Variants in DNAH5 observed in about 807,000 individuals in gnomAD.
DNAH5 encodes axonemal beta dynein heavy chain 5.
In DNAH5, 372 loss-of-function variants were observed where a neutral mutation model predicts 518.2. The observed-to-expected ratio is 0.72, with a 90% CI of 0.66 to 0.78. The LOEUF (loss-of-function observed/expected upper bound fraction) is 0.78. Among genes scored for constraint, DNAH5 ranks in the 30% least tolerant of loss-of-function variants. DNAH5 has a pLI of 0.00. For missense variants in DNAH5, 5,523 were observed against 5,687.0 expected, an observed-to-expected ratio of 0.97 and a Z score of 0.93; for synonymous variants, 2,039 against 2,025.9, an observed-to-expected ratio of 1.01 and a Z score of -0.17.
chr5:13,984,991 C>G (rs1347073575), intron 1 of DNAH5, among the ~76,000 whole-genome samples: 1 of 152,024 alleles, frequency 6.6e-6, no homozygotes, highest in Admixed American at 6.6e-5. Flanking sequence ...ATGTTTATTG[C>G]GGCACTACTC....
At chr5:13,875,465 C>CA (rs70964513) in intron 22 of DNAH5, among the ~76,000 whole-genome samples, 63,418 of 105,846 alleles carry the variant, frequency 0.6, 18,949 homozygotes, top group East Asian at 0.73. Context: ...GAAACTCCTT[C>CA]AAAAAAAAAA....
chr5:13,927,864 C>A (rs1778042009), intron 3 of DNAH5, among the ~76,000 whole-genome samples: 1 of 152,144 alleles, frequency 6.6e-6, no homozygotes, highest in Non-Finnish European at 1.5e-5. Flanking sequence ...GTTAGAACAA[C>A]CAGGCTAAAT....
At chr5:13,927,782 T>C (rs1778033010) in intron 3 of DNAH5, among the ~76,000 whole-genome samples, 1 of 151,950 alleles carries the variant, frequency 6.6e-6, no homozygotes, top group South Asian at 2.1e-4. Context: ...GAAAAGGAAG[T>C]CAAACGTAAT....
rs774995031 is a variant in DNAH5 at position 13,769,551 on chromosome 5, G to A, written c.9670C>T (p.Leu3224=). 1.7e-5 allele frequency: 27 copies of A among 1,613,894 alleles called. No homozygotes were observed. The East Asian group carries it at 6.0e-4, about 36-fold the overall frequency. The change falls in exon 57 of 79, where the codon CTG becomes TTG. Residue 3224 remains leucine, a synonymous_variant. Transcript: ENST00000265104. ...SESVAALSKE[L]EAKEKELQVA... is the part of the protein sequence containing the mutation. ...TGTAGCTCCTTTTCTTTCGCTTCCA[G>A]TTCTTTACTCAAGGCTGCAACAGAC...
intron 1 of DNAH5, among the ~76,000 whole-genome samples, chr5:13,998,720 T>G (rs1242584824): frequency 1.3e-5 from 2 of 152,234 alleles, no homozygotes; most frequent in Non-Finnish European, 2.9e-5. Context: ...ATATTCTTTC[T>G]GAGAGGATGA....
rs751403885 is a variant in DNAH5 at position 13,817,597 on chromosome 5, A to G, written c.6939T>C (p.Thr2313=). 2 of 1,614,204 alleles carry G rather than the reference A, an allele frequency of 1.2e-6. No individual in the cohort carries two copies. The highest frequency in any genetic ancestry group is 1.3e-5 in the African/African-American group (1 of 75,054). The change falls in exon 42 of 79, where the codon ACT becomes ACC. Residue 2313 remains threonine, a synonymous_variant. Coordinates refer to ENST00000265104, the MANE Select transcript of DNAH5 (RefSeq NM_001369.3). ...TCCAAAGCGTAGAAAATATCCCATC[A>G]GTCCAGTCATTTGTGGCAACGTCCA... ...GRLDVATNDW[T]DGIFSTLWRK...
intron 5 of DNAH5, 90 bp downstream of exon 5, chr5:13,922,017 T>C: frequency 7.3e-7 from 1 of 1,374,378 alleles, no homozygotes; most frequent in Non-Finnish European, 1.0e-6. Flanking sequence ...ATAGAGGAAT[T>C]AAGACCATCT....
chr5:13,734,774 C>T (rs564759731), intron 68 of DNAH5, among the ~76,000 whole-genome samples: 26 of 152,294 alleles, frequency 1.7e-4, no homozygotes, highest in African/African-American at 4.8e-4. Context: ...TCATAATGCC[C>T]TGTAACTTCC....
chr5:13,788,686 G>C, intron 51 of DNAH5, 30 bp downstream of exon 51: 1 of 1,590,888 alleles, frequency 6.3e-7, no homozygotes, highest in Non-Finnish European at 8.6e-7. Context: ...CACCTTTTGG[G>C]GAATTCCAAA....
chr5:13,876,858 A>T (rs1338436918), intron 21 of DNAH5, 41 bp from the exon 22 acceptor site: 6 of 1,591,032 alleles, frequency 3.8e-6, no homozygotes, highest in Non-Finnish European at 5.2e-6. Flanking sequence ...CACTACTCAC[A>T]CAAGAATGTA....
At chr5:13,718,072 A>G (rs928550039) in intron 72 of DNAH5, among the ~76,000 whole-genome samples, 1 of 152,072 alleles carries the variant, frequency 6.6e-6, no homozygotes. Flanking sequence ...TTATCCCCAC[A>G]TTATCTTATA....
chr5:13,768,391 C>A (rs1454838997), intron 58 of DNAH5, among the ~76,000 whole-genome samples: 2 of 152,184 alleles, frequency 1.3e-5, no homozygotes, highest in African/African-American at 4.8e-5. Context: ...CCCAGCCATG[C>A]GGAACTCTGA....
intron 71 of DNAH5, among the ~76,000 whole-genome samples, chr5:13,719,979 T>A (rs1026795818): frequency 1.3e-5 from 2 of 152,134 alleles, no homozygotes; most frequent in Non-Finnish European, 2.9e-5. Flanking sequence ...ATTTCCTCAA[T>A]ATCTAATCTA....
chr5:13,793,891 CA>C, intron 48 of DNAH5, 44 bp downstream of exon 48: 2 of 1,607,784 alleles, frequency 1.2e-6, no homozygotes, highest in Non-Finnish European at 1.7e-6. Context: ...AAGAATAAAT[CA>C]ATACCAAATT....
rs577868677 is a variant in DNAH5 at position 13,825,140 on chromosome 5, G to A, written c.6445-807C>T. ...GCAGATCACTTAAGGCCAGGAGTTC[G>A]AGACCAGCCTGGCCAACATGATGAA... On this transcript the variant is annotated intron_variant, in intron 38 of 78. Transcript: ENST00000265104. Among the ~76,000 whole-genome samples, 212 of 152,106 alleles carry A rather than the reference G, an allele frequency of 1.4e-3. 2 individuals are homozygous for A. The highest frequency in any genetic ancestry group is 4.8e-3 in the African/African-American group (198 of 41,502).
At chr5:13,810,882 G>A (rs1760597425) in intron 44 of DNAH5, among the ~76,000 whole-genome samples, 1 of 152,086 alleles carries the variant, frequency 6.6e-6, no homozygotes, top group Admixed American at 6.6e-5. Flanking sequence ...ATACACACAA[G>A]GGAGTACTAT....
intron 55 of DNAH5, 73 bp downstream of exon 55, chr5:13,776,366 C>T: frequency 2.5e-6 from 4 of 1,589,842 alleles, no homozygotes; most frequent in Non-Finnish European, 3.5e-6. Context: ...GAGGCAGAGC[C>T]TTCAAGCATC....
chr5:13,753,105 G>T, intron 63 of DNAH5, 128 bp downstream of exon 63: 1 of 681,378 alleles, frequency 1.5e-6, no homozygotes, highest in Admixed American at 2.6e-5. Context: ...GCTTGCATCT[G>T]CTACTGCTCT....
intron 47 of DNAH5, 83 bp from the exon 48 acceptor site, chr5:13,794,141 G>A: frequency 6.3e-7 from 1 of 1,576,658 alleles, no homozygotes; most frequent in Non-Finnish European, 8.7e-7. Context: ...ACAAAAACTG[G>A]TAACCTTTGA....
Sources: allele counts gnomAD v4.1 joint callset (sites outside exome capture counted in the v4.1 genomes callset), GRCh38; gene constraint gnomAD v4.1.1; transcripts MANE v1.5; gene names NCBI Gene and HGNC (gene_info 2026-07-23, HGNC 2026-07-21).